Variants in NRG3 observed in about 807,000 individuals in gnomAD.
NRG3 encodes the protein pro-neuregulin-3, membrane-bound isoform.
In NRG3, 31 loss-of-function variants were observed where a neutral mutation model predicts 66.9. The observed-to-expected ratio is 0.46, with a 90% CI of 0.35 to 0.63. NRG3 has a LOEUF of 0.63. Ranked by LOEUF, NRG3 falls within the 20% of genes least tolerant of loss-of-function variation. The probability of loss-of-function intolerance (pLI) is 0.00; values close to 1 mark genes in which losing one functional copy is unlikely to be tolerated. For synonymous variants in NRG3, 393 were observed against 359.4 expected (o/e 1.09, Z -1.06); for missense variants, 910 against 878.9 (o/e 1.04, Z -0.45).
intron 2 of NRG3, among the ~76,000 whole-genome samples, chr10:82,409,237 A>T (rs183816592): frequency 1.8e-4 from 27 of 152,340 alleles, no homozygotes; most frequent in Admixed American, 1.8e-3. Context: ...TTATTTGTAC[A>T]GAAGAACACT....
At chr10:82,026,520 A>G (rs1255294708) in intron 1 of NRG3, among the ~76,000 whole-genome samples, 12 of 152,070 alleles carry the variant, frequency 7.9e-5, no homozygotes, top group Middle Eastern at 3.4e-3. Flanking sequence ...GCCAAATTTG[A>G]TTCTTAATCA....
intron 1 of NRG3, chr10:82,230,171 T>A (rs1271738251): frequency 6.6e-6 from 1 of 152,100 alleles, no homozygotes; most frequent in Non-Finnish European, 1.5e-5. Flanking sequence ...ATGAAAAAAA[T>A]TATGCAAAAT....
At chr10:82,601,476 A>T (rs1257623502) in intron 2 of NRG3, among the ~76,000 whole-genome samples, 1 of 152,124 alleles carries the variant, frequency 6.6e-6, no homozygotes, top group Non-Finnish European at 1.5e-5. Flanking sequence ...CAGAATTGGG[A>T]GTACTGAATC....
intron 4 of NRG3, among the ~76,000 whole-genome samples, chr10:82,944,072 A>G (rs933736748): frequency 6.6e-6 from 1 of 152,186 alleles, no homozygotes; most frequent in Non-Finnish European, 1.5e-5. Flanking sequence ...CTCGCATAAT[A>G]CCCTATGAAT....
At chr10:82,284,974 T>C (rs545048292) in intron 1 of NRG3, among the ~76,000 whole-genome samples, 1 of 152,342 alleles carries the variant, frequency 6.6e-6, no homozygotes, top group South Asian at 2.1e-4. Flanking sequence ...ATTTTAGCTG[T>C]ATCTGAATTA....
At chr10:81,893,476 CT>C (rs1843221771) in intron 1 of NRG3, among the ~76,000 whole-genome samples, 3 of 151,884 alleles carry the variant, frequency 2.0e-5, no homozygotes, top group Non-Finnish European at 4.4e-5. Flanking sequence ...TGCAAAAAAG[CT>C]TACTTTTTTA....
At chr10:82,652,858 G>A (rs2051537627) in intron 2 of NRG3, among the ~76,000 whole-genome samples, 1 of 152,138 alleles carries the variant, frequency 6.6e-6, no homozygotes, top group African/African-American at 2.4e-5. Flanking sequence ...TCAAATGTGT[G>A]TGAGATAATA....
At chr10:82,508,699 G>C (rs183808329) in intron 2 of NRG3, among the ~76,000 whole-genome samples, 3 of 152,254 alleles carry the variant, frequency 2.0e-5, no homozygotes, top group African/African-American at 7.2e-5. Flanking sequence ...TTATCGTTCA[G>C]ACTGGTTTTT....
intron 1 of NRG3, among the ~76,000 whole-genome samples, chr10:82,168,142 T>A (rs2072249558): frequency 6.6e-6 from 1 of 152,182 alleles, no homozygotes; most frequent in Non-Finnish European, 1.5e-5. Context: ...TATTTTCTCT[T>A]TGTGCAGCCT....
At chr10:82,436,727 C>G (rs2090159820) in intron 2 of NRG3, among the ~76,000 whole-genome samples, 1 of 152,228 alleles carries the variant, frequency 6.6e-6, no homozygotes, top group African/African-American at 2.4e-5. Context: ...GCAGGGCAGT[C>G]CTGGTGGTAA....
At chr10:82,302,550 A>G (rs548482538) in intron 1 of NRG3, among the ~76,000 whole-genome samples, 1 of 152,280 alleles carries the variant, frequency 6.6e-6, no homozygotes, top group Admixed American at 6.5e-5. Context: ...TTAAATATTA[A>G]TGATTAATAA....
chr10:82,421,548 A>C (rs1402835516), intron 2 of NRG3, among the ~76,000 whole-genome samples: 1 of 152,114 alleles, frequency 6.6e-6, no homozygotes, highest in East Asian at 1.9e-4. Flanking sequence ...CCCCCAGCAG[A>C]TGTAGGGCTG....
intron 1 of NRG3, among the ~76,000 whole-genome samples, chr10:82,148,384 TAACCCA>T (rs2070419456): frequency 6.6e-6 from 1 of 152,190 alleles, no homozygotes; most frequent in Non-Finnish European, 1.5e-5. Flanking sequence ...TAGTTCTTTC[TAACCCA>T]TGGTTGATAC....
chr10:82,649,239 A>G (rs1054623182), intron 2 of NRG3, among the ~76,000 whole-genome samples: 1 of 152,150 alleles, frequency 6.6e-6, no homozygotes, highest in Non-Finnish European at 1.5e-5. Flanking sequence ...CATTTCAAAG[A>G]GACACCCCTC....
rs2062324629 is a variant in NRG3, at chr10:82,828,051, G to A, written c.1028-37360G>A. Among the ~76,000 whole-genome samples, 4 of 151,876 alleles carry A rather than the reference G, an allele frequency of 2.6e-5. No homozygotes were observed. The South Asian group carries it at 8.3e-4, about 32-fold the overall frequency. On this transcript the variant is annotated intron_variant, in intron 3 of 8. Coordinates refer to ENST00000372141, the MANE Select transcript of NRG3 (RefSeq NM_001010848.4). ...GGATATCCCCAAATGACATTCCTTG[G>A]AATTCTGCATCCCTTGAAAAAGGAC...
intron 3 of NRG3, among the ~76,000 whole-genome samples, chr10:82,831,174 TGAGG>T (rs1327440087): frequency 6.6e-6 from 1 of 152,104 alleles, no homozygotes; most frequent in African/African-American, 2.4e-5. Context: ...TCAGGGCCAG[TGAGG>T]CCATGAAGAG....
At chr10:82,424,061 A>G (rs1272837261) in intron 2 of NRG3, among the ~76,000 whole-genome samples, 1 of 152,028 alleles carries the variant, frequency 6.6e-6, no homozygotes, top group Non-Finnish European at 1.5e-5. Context: ...TTTGGCTTGT[A>G]TCTACATTTT....
intron 2 of NRG3, among the ~76,000 whole-genome samples, chr10:82,628,440 A>T (rs1226966449): frequency 6.6e-6 from 1 of 152,154 alleles, no homozygotes; most frequent in Non-Finnish European, 1.5e-5. Flanking sequence ...GTTAACCATT[A>T]TTTGAGTTGG....
At chr10:82,334,175 C>T (rs1589753133) in intron 1 of NRG3, among the ~76,000 whole-genome samples, 1 of 151,114 alleles carries the variant, frequency 6.6e-6, no homozygotes, top group Admixed American at 6.6e-5. Context: ...AAGGGATGGG[C>T]CTTTCAATCT....
Sources: allele counts gnomAD v4.1 joint callset (sites outside exome capture counted in the v4.1 genomes callset), GRCh38; gene constraint gnomAD v4.1.1; transcripts MANE v1.5; gene names NCBI Gene and HGNC (gene_info 2026-07-23, HGNC 2026-07-21).